The following HEATR5A variants were observed in gnomAD, a reference collection of about 807,000 sequenced individuals.
HEATR5A encodes HEAT repeat-containing protein 5A.
Under a neutral mutation model 218.8 loss-of-function variants are expected in HEATR5A, and 178 were observed. The observed-to-expected ratio is 0.81, with a 90% CI of 0.72 to 0.92. The LOEUF (loss-of-function observed/expected upper bound fraction) is 0.92. HEATR5A is among the 40% of genes least tolerant of loss of function. The pLI is 0.00. For synonymous variants in HEATR5A, 864 were observed against 871.6 expected (o/e 0.99, Z 0.15); for missense variants, 2,420 against 2,418.9 (o/e 1.00, Z -0.01).
intron 21 of HEATR5A, among the ~76,000 whole-genome samples, chr14:31,342,220 C>T (rs1900863414): frequency 6.6e-6 from 1 of 151,782 alleles, no homozygotes; most frequent in African/African-American, 2.4e-5. Flanking sequence ...GACCCTGTCT[C>T]TACAAAAAAG....
chr14:31,407,252 C>T (rs1443418736), intron 1 of HEATR5A, among the ~76,000 whole-genome samples: 2 of 152,130 alleles, frequency 1.3e-5, no homozygotes, highest in Non-Finnish European at 2.9e-5. Flanking sequence ...GATCAAAAAA[C>T]AAACCCAAAG....
At chr14:31,416,079 T>C (rs958612092) in intron 1 of HEATR5A, among the ~76,000 whole-genome samples, 1 of 152,036 alleles carries the variant, frequency 6.6e-6, no homozygotes, top group Non-Finnish European at 1.5e-5. Flanking sequence ...GCCTCCTGAA[T>C]AGCTGGGACT....
intron 9 of HEATR5A, among the ~76,000 whole-genome samples, chr14:31,385,421 G>A (rs1054912007): frequency 2.0e-5 from 3 of 152,090 alleles, no homozygotes; most frequent in South Asian, 4.1e-4. Flanking sequence ...GAGCCACCAT[G>A]CCAGGCCTAA....
Position 31,398,710 on chromosome 14 carries a change from G to A in HEATR5A, c.410C>T (p.Thr137Ile). ...GRILGNTFTD[T>I]VGNILKAMKS... is the part of the protein sequence containing the mutation. ...CATAGCTTTAAGAATATTCCCCACT[G>A]TATCAGTAAAGGTGTTACCCAGTAT... is the stretch of plus-strand genomic sequence containing the variant. Residue 137 changes from threonine (T) to isoleucine (I), a missense_variant, in exon 4 of 36, where the codon ACA (threonine) becomes ATA (isoleucine). Transcript: ENST00000543095. The A allele has an allele frequency of 6.5e-7, 1 of 1,530,098 alleles. No homozygotes were observed. The highest frequency in any genetic ancestry group is 8.8e-7 in the Non-Finnish European group (1 of 1,141,194). The allele number at this position is 1,530,098 out of a possible 1,614,324, so 94.8% of individuals were successfully genotyped here. A position where few individuals can be genotyped will look rare whatever the true frequency, so the allele number is the denominator to read the frequency against.
chr14:31,416,606 C>A (rs2031458647), intron 1 of HEATR5A, among the ~76,000 whole-genome samples: 4 of 148,720 alleles, frequency 2.7e-5, no homozygotes, highest in Non-Finnish European at 1.5e-5. Flanking sequence ...GTGTTGTTAC[C>A]ATTAAAAAAA....
intron 13 of HEATR5A, among the ~76,000 whole-genome samples, chr14:31,369,478 T>C (rs564148444): frequency 5.3e-5 from 8 of 151,510 alleles, no homozygotes; most frequent in African/African-American, 9.7e-5. Context: ...CCAGGCATAG[T>C]GGTGCATGCC....
rs367589052 is a variant in HEATR5A at position 31,386,444 on chromosome 14, G to A, written c.1321C>T (p.Pro441Ser). 2.8e-5 allele frequency: 45 copies of A among 1,613,588 alleles called. No individual in the cohort carries two copies. The highest frequency in any genetic ancestry group is 3.6e-5 in the Non-Finnish European group (42 of 1,179,780). The change falls in exon 9 of 36, where the codon CCT becomes TCT. Residue 441 changes from proline (P) to serine (S), a missense_variant. Physicochemically the swap from Pro to Ser is moderately conservative, Grantham distance 74. Coordinates refer to ENST00000543095, the MANE Select transcript of HEATR5A (RefSeq NM_015473.4). ...LIHNLGTTAA[P>S]LLQDSSTGLL... Reference sequence around the variant, plus strand: ...CCTGTACTTGAATCCTGTAGCAAAGGTGCCGCTGTGGTGCCAAGATTGTGT... The same window carrying A: ...CCTGTACTTGAATCCTGTAGCAAAGATGCCGCTGTGGTGCCAAGATTGTGT...
At chr14:31,366,852 T>C (rs574570386) in intron 13 of HEATR5A, among the ~76,000 whole-genome samples, 31 of 152,254 alleles carry the variant, frequency 2.0e-4, no homozygotes, top group Non-Finnish European at 3.5e-4. Context: ...ATGGTAGGGG[T>C]GTAAAACCCA....
At chr14:31,319,940 A>C (rs1336568997) in intron 25 of HEATR5A, among the ~76,000 whole-genome samples, 1 of 152,082 alleles carries the variant, frequency 6.6e-6, no homozygotes, top group Non-Finnish European at 1.5e-5. Context: ...CAGCTACTTC[A>C]GGTTGCAGTG....
chr14:31,406,098 T>C (rs1595182678), intron 1 of HEATR5A, among the ~76,000 whole-genome samples: 1 of 152,192 alleles, frequency 6.6e-6, no homozygotes, highest in Non-Finnish European at 1.5e-5. Context: ...GCTGCTGCTC[T>C]TATCTGAAGT....
Position 31,304,148 on chromosome 14 carries a change from A to G in HEATR5A, c.5239+757T>C, listed in dbSNP as rs187597615. 5.9e-5 allele frequency among the ~76,000 whole-genome samples: 9 copies of G among 152,268 alleles called. 1 individual carries two copies. The highest frequency in any genetic ancestry group is 3.4e-3 in the Middle Eastern group (1 of 294). Reference sequence around the variant, plus strand: ...TGCTTAAGCCCAGGAGTTTGACATTATAGTGAACTATGACTGTTCCACTGC... The same window carrying G: ...TGCTTAAGCCCAGGAGTTTGACATTGTAGTGAACTATGACTGTTCCACTGC... On this transcript the variant is annotated intron_variant, in intron 32 of 35. Coordinates refer to ENST00000543095, the MANE Select transcript of HEATR5A (RefSeq NM_015473.4).
At chr14:31,375,444 T>C (rs759736063) in intron 11 of HEATR5A, among the ~76,000 whole-genome samples, 2 of 152,180 alleles carry the variant, frequency 1.3e-5, no homozygotes, top group Non-Finnish European at 2.9e-5. Flanking sequence ...TGGAGTTTAG[T>C]AGTGCAGTGG....
chr14:31,366,950 C>A (rs1901826045), intron 13 of HEATR5A, among the ~76,000 whole-genome samples: 1 of 152,164 alleles, frequency 6.6e-6, no homozygotes, highest in Non-Finnish European at 1.5e-5. Flanking sequence ...AAAGCTGGAG[C>A]AAACACCATC....
intron 2 of HEATR5A, among the ~76,000 whole-genome samples, chr14:31,400,845 T>G (rs1027020344): frequency 1.7e-3 from 1 of 592 alleles, no homozygotes; most frequent in African/African-American, 1.9e-3. Flanking sequence ...ATTATTATTG[T>G]TTTTTTTTTT....
chr14:31,326,406 A>C, intron 22 of HEATR5A, 64 bp from the exon 23 acceptor site: 36 of 1,145,794 alleles, frequency 3.1e-5, no homozygotes, highest in Non-Finnish European at 3.9e-5. Flanking sequence ...TCAGAAGCTC[A>C]CACATTCAGT....
chr14:31,388,983 G>C lies in HEATR5A; in HGVS notation c.795C>G (p.Arg265=). The C allele has an allele frequency of 6.2e-7, 1 of 1,612,756 alleles. No individual in the cohort carries two copies. ...CCAGAACTTCCTCCAAAGATACTCT[G>C]CGAATGCTTTGACGTGAGGCTGCTA... is the stretch of plus-strand genomic sequence containing the variant. ...PGTAASRQSI[R]RVSLEEVLEL... Residue 265 remains arginine (R), a synonymous_variant, in exon 7 of 36, where the codon CGC becomes CGG. Coordinates refer to ENST00000543095, the MANE Select transcript of HEATR5A (RefSeq NM_015473.4).
In HEATR5A at chr14:31,301,446, A is replaced by T. The variant is rs148243596; in HGVS notation, c.5464+849T>A. On this transcript the variant is annotated intron_variant, in intron 33 of 35. Transcript: ENST00000543095. ...AAAAACAAGTTTTAATGGATGCTGA[A>T]AATAATACTGGCTATCATTTATTGA... 1.4e-4 allele frequency among the ~76,000 whole-genome samples: 22 copies of T among 152,214 alleles called. No individual in the cohort carries two copies. In the South Asian group the frequency reaches 2.5e-3, roughly 17 times the overall value.
chr14:31,395,308 A>G lies in HEATR5A; in HGVS notation c.488T>C (p.Ile163Thr), dbSNP rs1213293626. ...RYEIMLSLQNILNGLGAAAAP... is the reference protein window; with the variant it reads ...RYEIMLSLQNTLNGLGAAAAP... ...AGCGGCAGCTCCTAGTCCATTCAAT[A>G]TATTTTGCAGACTTAGCATAATCTC... Residue 163 changes from isoleucine (I) to threonine (T), a missense_variant, in exon 5 of 36, where the codon ATA becomes ACA. Physicochemically the swap from Ile to Thr is moderately conservative, Grantham distance 89 (BLOSUM62 -1). Coordinates refer to ENST00000543095, the MANE Select transcript of HEATR5A (RefSeq NM_015473.4). 1.3e-6 allele frequency: 2 copies of G among 1,531,490 alleles called. No individual in the cohort carries two copies. Among genetic ancestry groups the G allele is most frequent in the African/African-American group, 2.7e-5 (2 of 73,104 alleles). The allele number at this position is 1,531,490 out of a possible 1,614,324, so 94.9% of individuals were successfully genotyped here. A position where few individuals can be genotyped will look rare whatever the true frequency, so the allele number is the denominator to read the frequency against.
Position 31,358,932 on chromosome 14 carries a change from A to T in HEATR5A, c.2197T>A (p.Phe733Ile). The T allele has an allele frequency of 6.3e-7, 1 of 1,593,514 alleles. No individual in the cohort carries two copies. The highest frequency in any genetic ancestry group is 8.5e-7 in the Non-Finnish European group (1 of 1,174,948). The change falls in exon 15 of 36, where the codon TTC becomes ATC. Residue 733 changes from phenylalanine (F) to isoleucine (I), a missense_variant. Physicochemically the swap from Phe to Ile is conservative, Grantham distance 21 (BLOSUM62 0). Coordinates refer to ENST00000543095, the MANE Select transcript of HEATR5A (RefSeq NM_015473.4). ...HQDDLLILSP[F>I]LQETDHRFIE... ...AATCTATGGTCAGTCTCTTGTAGGAAAGGACTTAGTATCAAAAGATCATCC... is the reference window on the plus strand; with the variant it reads ...AATCTATGGTCAGTCTCTTGTAGGATAGGACTTAGTATCAAAAGATCATCC...
Sources: allele counts gnomAD v4.1 joint callset (sites outside exome capture counted in the v4.1 genomes callset), GRCh38; gene constraint gnomAD v4.1.1; transcripts MANE v1.5; gene names NCBI Gene and HGNC (gene_info 2026-07-23, HGNC 2026-07-21).